Variants in HERC1 observed in about 807,000 individuals in gnomAD.
The protein encoded by HERC1 is HECT and RLD domain containing E3 ubiquitin protein ligase family member 1.
Under a neutral mutation model 554.3 loss-of-function variants are expected in HERC1, and 160 were observed. The ratio of observed to expected loss-of-function variants is 0.29; its 90% CI spans 0.25 to 0.33. The LOEUF (loss-of-function observed/expected upper bound fraction) is 0.33, where lower values mean the gene tolerates loss of function less well. HERC1 is among the 10% of genes least tolerant of loss of function. The pLI, the probability that HERC1 is intolerant of heterozygous loss-of-function variation, is 1.00. For synonymous variants in HERC1, 2,175 were observed against 2,131.7 expected, an observed-to-expected ratio of 1.02 and a Z score of -0.56; for missense variants, 4,919 against 5,918.5, an observed-to-expected ratio of 0.83 and a Z score of 5.54.
Position 63,692,571 on chromosome 15 carries a change from A to G in HERC1, c.5675-5T>C. 1.9e-6 allele frequency: 3 copies of G among 1,599,420 alleles called. No homozygotes were observed. Among genetic ancestry groups the G allele is most frequent in the East Asian group, 2.2e-5 (1 of 44,608 alleles). The stretch of plus-strand genomic sequence containing the variant: ...CATGTTGTTTCCTAAGAGCAGCTAC[A>G]GTGAAGAGACAAGTTTACGTTACAA... On this transcript the variant is annotated splice_polypyrimidine_tract_variant and splice_region_variant and intron_variant, in intron 30 of 77. Coordinates refer to ENST00000443617, the MANE Select transcript of HERC1 (RefSeq NM_003922.4). This position sits in a 1 kb window ranked among gnomAD's most constrained non-coding sequence, Gnocchi z 4.7.
intron 19 of HERC1, among the ~76,000 whole-genome samples, chr15:63,721,595 A>AAC (rs2073824505): frequency 6.6e-6 from 1 of 152,212 alleles, no homozygotes; most frequent in Non-Finnish European, 1.5e-5. Flanking sequence ...AGATCTGAAT[A>AAC]ATATGTATCT....
In HERC1 at chr15:63,628,825, A is replaced by T; in HGVS notation, c.12967-10T>A. ...TATGGCCTAAGCCGAGCTGGGAATAAATCACAAATATACAGACATTCAATT... is the reference window on the plus strand; with the variant it reads ...TATGGCCTAAGCCGAGCTGGGAATATATCACAAATATACAGACATTCAATT... On this transcript the variant is annotated splice_polypyrimidine_tract_variant and intron_variant, in intron 69 of 77. Coordinates refer to ENST00000443617, the MANE Select transcript of HERC1 (RefSeq NM_003922.4). 2 of 1,610,778 alleles carry T rather than the reference A, an allele frequency of 1.2e-6. No homozygotes were observed. Among genetic ancestry groups the T allele is most frequent in the Non-Finnish European group, 1.7e-6 (2 of 1,178,616 alleles).
chr15:63,775,118 A>G lies in HERC1; in HGVS notation c.506T>C (p.Leu169Ser). 1 of 1,614,006 alleles carries G rather than the reference A, an allele frequency of 6.2e-7. No individual in the cohort carries two copies. The highest frequency in any genetic ancestry group is 8.5e-7 in the Non-Finnish European group (1 of 1,179,868). ...EMGVRTGLSL[L>S]FALLRQSWMM... The stretch of plus-strand genomic sequence containing the variant: ...CCAACTTTGTCTTAGAAGCGCAAAT[A>G]ATAAACTTAGACCAGTTCGAACACC... The change falls in exon 2 of 78, where the codon TTA becomes TCA. Residue 169 changes from leucine (L) to serine (S), a missense_variant. Physicochemically the swap from Leu to Ser is moderately radical, Grantham distance 145. This residue lies in a region of HERC1 where 744 missense variants were observed against 1,090.0 expected (regional missense o/e 0.68). Coordinates refer to ENST00000443617, the MANE Select transcript of HERC1 (RefSeq NM_003922.4). This position sits in a 1 kb window ranked among gnomAD's most constrained non-coding sequence, Gnocchi z 4.0.
intron 19 of HERC1, among the ~76,000 whole-genome samples, chr15:63,720,103 C>CATTTTTTTTTTTTTTTTTTTTT (rs2073747290): frequency 1.4e-5 from 1 of 71,608 alleles, no homozygotes; most frequent in African/African-American, 6.0e-5. Flanking sequence ...TTTTTCTTCC[C>CATTTTTTTTTTTTTTTTTTTTT]TTTTTTTTTT....
chr15:63,637,470 G>GT, intron 64 of HERC1, 35 bp downstream of exon 64: 1 of 1,546,154 alleles, frequency 6.5e-7, no homozygotes, highest in Non-Finnish European at 8.8e-7. Flanking sequence ...TTAGGCCTTA[G>GT]GTTCTAACCA....
intron 1 of HERC1, among the ~76,000 whole-genome samples, chr15:63,830,996 G>T (rs1406892443): frequency 2.0e-5 from 3 of 152,124 alleles, no homozygotes; most frequent in Non-Finnish European, 2.9e-5. Flanking sequence ...TAAATGATTT[G>T]ACCAACTTTT....
chr15:63,672,551 T>C lies in HERC1; in HGVS notation c.7990A>G (p.Thr2664Ala). Residue 2664 changes from threonine to alanine, a missense_variant, in exon 39 of 78, where the codon ACA becomes GCA. Thr to Ala is a moderately conservative substitution (Grantham distance 58). Around this residue, in one of 11 missense-constraint regions of HERC1, gnomAD observed 1,963 missense variants for 2,228.6 expected, o/e 0.88. Coordinates refer to ENST00000443617, the MANE Select transcript of HERC1 (RefSeq NM_003922.4). ...GACTCGGATGCAGGCACTGTTTCTG[T>C]GTCAGTGACTGGAGTGGTGGCAGTT... is the stretch of plus-strand genomic sequence containing the variant. ...TTTATTPVTDTETVPASESPG... is the reference protein window; with the variant it reads ...TTTATTPVTDAETVPASESPG... 6.2e-7 allele frequency: 1 copy of C among 1,609,814 alleles called. No homozygotes were observed.
intron 30 of HERC1, 59 bp downstream of exon 30, chr15:63,693,905 A>G: frequency 6.7e-7 from 1 of 1,491,064 alleles, no homozygotes; most frequent in Non-Finnish European, 9.0e-7. Flanking sequence ...AATCATATGC[A>G]CACAATGGGG....
At chr15:63,699,844 A>T (rs1275965116) in intron 25 of HERC1, among the ~76,000 whole-genome samples, 1 of 152,198 alleles carries the variant, frequency 6.6e-6, no homozygotes, top group Non-Finnish European at 1.5e-5. Context: ...GCTTTAAATA[A>T]ATATATAAAT....
intron 25 of HERC1, among the ~76,000 whole-genome samples, chr15:63,706,134 T>G (rs1409276594): frequency 1.3e-5 from 2 of 151,444 alleles, no homozygotes; most frequent in Non-Finnish European, 2.9e-5. Flanking sequence ...AACTGCTGGG[T>G]TTTTCCTCAA....
chr15:63,717,226 C>T (rs2073596059), intron 21 of HERC1, among the ~76,000 whole-genome samples: 1 of 152,008 alleles, frequency 6.6e-6, no homozygotes. Flanking sequence ...GTCATTTATC[C>T]CCATATATGA....
rs942301251 is a variant in HERC1, at chr15:63,674,227, C to CAA, written c.7846+113_7846+114dup. Reference sequence around the variant, plus strand: ...AAAATGATGTGAAAATTGCTTTGACCAAAAAAAAAATTTTTTTTTTTTTAC... The same window carrying CAA: ...AAAATGATGTGAAAATTGCTTTGACCAAAAAAAAAAAATTTTTTTTTTTTTAC... On this transcript the variant is annotated intron_variant, in intron 38 of 77. Transcript: ENST00000443617. 3.8e-6 allele frequency: 3 copies of CAA among 789,476 alleles called. No homozygotes were observed. The African/African-American group carries it at 5.9e-5, about 15-fold the overall frequency. 48.9% of individuals were successfully genotyped at this position (789,476 alleles called of 1,614,324 possible).
Position 63,696,273 on chromosome 15 carries a change from A to C in HERC1, c.4972T>G (p.Ser1658Ala), listed in dbSNP as rs758110581. 5.0e-6 allele frequency: 8 copies of C among 1,613,356 alleles called. No individual in the cohort carries two copies. Among genetic ancestry groups the C allele is most frequent in the Non-Finnish European group, 6.8e-6 (8 of 1,179,714 alleles). The change falls in exon 27 of 78, where the codon TCA becomes GCA. Residue 1658 changes from serine to alanine, a missense_variant. Physicochemically the swap from Ser to Ala is moderately conservative, Grantham distance 99. Coordinates refer to ENST00000443617, the MANE Select transcript of HERC1 (RefSeq NM_003922.4). Reference sequence around the variant, plus strand: ...GAACTCAATCTGCTTCCTGCCAGTGAGATGCTACCTTTTTCTTCCATCCCA... The same window carrying C: ...GAACTCAATCTGCTTCCTGCCAGTGCGATGCTACCTTTTTCTTCCATCCCA... ...LSGMEEKGSI[S>A]LAGSRLSSGF...
rs2074427437 is a variant in HERC1, at chr15:63,734,698, T to G, written c.2646+26A>C. ...CCAAATTTTTAGGATACTACTGGTTTACTTACACAGCAAGCAAAGGCCTAC... is the reference window on the plus strand; with the variant it reads ...CCAAATTTTTAGGATACTACTGGTTGACTTACACAGCAAGCAAAGGCCTAC... On this transcript the variant is annotated intron_variant, in intron 13 of 77. Transcript: ENST00000443617. This position sits in a 1 kb window ranked among gnomAD's most constrained non-coding sequence, Gnocchi z 4.6. 6.6e-7 allele frequency: 1 copy of G among 1,512,022 alleles called. No individual in the cohort carries two copies. Among genetic ancestry groups the G allele is most frequent in the Non-Finnish European group, 8.8e-7 (1 of 1,138,298 alleles). The allele number at this position is 1,512,022 out of a possible 1,614,324, so 93.7% of individuals were successfully genotyped here. A position where few individuals can be genotyped will look rare whatever the true frequency, so the allele number is the denominator to read the frequency against.
chr15:63,611,492 C>A (rs1377329040), intron 77 of HERC1, among the ~76,000 whole-genome samples: 1 of 152,222 alleles, frequency 6.6e-6, no homozygotes. Flanking sequence ...AGAGATGCAG[C>A]CCTGCCTGCT....
At chr15:63,645,174 T>A in intron 56 of HERC1, 77 bp from the exon 57 acceptor site, 1 of 1,035,450 alleles carries the variant, frequency 9.7e-7, no homozygotes, top group Non-Finnish European at 1.5e-6. Flanking sequence ...TGCAATCAAT[T>A]AAGATCTGAT....
intron 1 of HERC1, among the ~76,000 whole-genome samples, chr15:63,826,800 AAAAAAAAAAAAAAAAT>A (rs1400222222): frequency 2.6e-4 from 14 of 54,654 alleles, no homozygotes; most frequent in African/African-American, 8.3e-4. Flanking sequence ...AAAAAAAAAA[AAAAAAAAAAAAAAAAT>A]ATATATATAT....
At chr15:63,654,860 C>T (rs1274097837) in intron 50 of HERC1, among the ~76,000 whole-genome samples, 1 of 150,774 alleles carries the variant, frequency 6.6e-6, no homozygotes, top group Non-Finnish European at 1.5e-5. Flanking sequence ...CACAGCAAGA[C>T]TCCATCTCAA....
chr15:63,791,580 GTTCT>G (rs993696975), intron 1 of HERC1, among the ~76,000 whole-genome samples: 1 of 152,140 alleles, frequency 6.6e-6, no homozygotes, highest in Non-Finnish European at 1.5e-5. Context: ...ATTCTGCCTA[GTTCT>G]TTCTTTAACA....
Sources: allele counts gnomAD v4.1 joint callset (sites outside exome capture counted in the v4.1 genomes callset), GRCh38; gene constraint gnomAD v4.1.1; regional missense constraint gnomAD v4.1.1; non-coding constraint Gnocchi (gnomAD v3.1); transcripts MANE v1.5; gene names NCBI Gene and HGNC (gene_info 2026-07-23, HGNC 2026-07-21).